RGS14: variants seen among roughly 807,000 people sequenced by gnomAD.
RGS14 encodes regulator of G-protein signaling 14.
RGS14 carries 33 observed loss-of-function variants against 63.8 expected under a neutral mutation model. The ratio of observed to expected loss-of-function variants is 0.52; its 90% confidence interval spans 0.39 to 0.69. The LOEUF is 0.69. RGS14 is among the 30% of genes least tolerant of loss of function. RGS14 has a pLI of 0.00. For synonymous variants in RGS14, 296 were observed against 320.9 expected, an observed-to-expected ratio of 0.92 and a Z score of 0.83; for missense variants, 739 against 742.9, an observed-to-expected ratio of 0.99 and a Z score of 0.06.
In RGS14 at chr5:177,372,097, C is replaced by T. The variant is rs998025943; in HGVS notation, c.*22C>T. 1.6e-5 allele frequency: 25 copies of T among 1,604,834 alleles called. No individual in the cohort carries two copies. Among genetic ancestry groups the T allele is most frequent in the Non-Finnish European group, 2.0e-5 (24 of 1,173,080 alleles). ...CTGACAGCTACCCAACAGTCCAGGA[C>T]AGCTGCATGGCACCCGGCGGGCCGA... On this transcript the variant is annotated 3_prime_UTR_variant, in exon 15 of 15. Coordinates refer to ENST00000408923, the MANE Select transcript of RGS14 (RefSeq NM_006480.5).
Position 177,371,666 on chromosome 5 carries a change from C to A in RGS14, c.1498+77C>A. 1 of 1,455,410 alleles carries A rather than the reference C, an allele frequency of 6.9e-7. No individual in the cohort carries two copies. The allele number at this position is 1,455,410 out of a possible 1,614,324, so 90.2% of individuals were successfully genotyped here. ...GACCATTCAGGGTGGCATCAGAGAG[C>A]CTTGAGCTAAGGCAGGGGGCTGGGT... On this transcript the variant is annotated intron_variant, in intron 14 of 14. Transcript: ENST00000408923. This position sits in a 1 kb window ranked among gnomAD's most constrained non-coding sequence, Gnocchi z 6.1.
intron 9 of RGS14, among the ~76,000 whole-genome samples, chr5:177,369,764 C>T (rs59131256): frequency 0.087 from 13,266 of 152,222 alleles, 698 homozygotes; most frequent in South Asian, 0.14. Flanking sequence ...TGCAGGGGTG[C>T]GAGGGCAGTA....
rs375637487 is a variant in RGS14 at position 177,366,219 on chromosome 5, G to C, written c.110G>C (p.Arg37Pro). ...GGGCCCCAGGGCCAGGGCGAGGGCC[G>C]CGGCAGCTCTCTCAGCATCCACAGC... ...TTGPQGQGEG[R>P]GSSLSIHSLP... The change falls in exon 3 of 15, where the codon CGC becomes CCC. Residue 37 changes from arginine (R) to proline (P), a missense_variant. Physicochemically the swap from Arg to Pro is moderately radical, Grantham distance 103. Transcript: ENST00000408923. 68 of 1,603,598 alleles carry C rather than the reference G, an allele frequency of 4.2e-5. No homozygotes were observed. Among genetic ancestry groups the C allele is most frequent in the Middle Eastern group, 2.2e-4 (1 of 4,490 alleles).
intron 1 of RGS14, among the ~76,000 whole-genome samples, chr5:177,360,354 G>A (rs984098524): frequency 1.3e-5 from 2 of 151,852 alleles, no homozygotes; most frequent in African/African-American, 4.8e-5. Flanking sequence ...CAGGAGGATC[G>A]CTTGAGCCCA....
chr5:177,368,635 G>A, intron 8 of RGS14, 82 bp from the exon 9 acceptor site: 1 of 1,433,242 alleles, frequency 7.0e-7, no homozygotes, highest in South Asian at 1.2e-5. Flanking sequence ...TTGAGCCCCA[G>A]CAAGCTTACC....
chr5:177,371,042 G>C lies in RGS14; in HGVS notation c.1254+11G>C, dbSNP rs1762232390. 1.4e-6 allele frequency: 2 copies of C among 1,431,044 alleles called. No individual in the cohort carries two copies. The highest frequency in any genetic ancestry group is 2.3e-5 in the Admixed American group (1 of 42,860). The allele number at this position is 1,431,044 out of a possible 1,614,324, so 88.6% of individuals were successfully genotyped here. On this transcript the variant is annotated intron_variant, in intron 11 of 14. Transcript: ENST00000408923. This position sits in a 1 kb window ranked among gnomAD's most constrained non-coding sequence, Gnocchi z 6.1. ...GTGGTGCTGCACCGGGTGAGCTTCC[G>C]GGCCGCGGGGCGGGGCGGGGCGGGG...
At position 177,371,057 on chromosome 5, in the gene RGS14, GCGGGGCGGGGCCGGGCCGGGGC is replaced by G. The variant is rs1189290123; in HGVS notation, c.1254+33_1254+54del. 8 of 1,142,568 alleles carry G rather than the reference GCGGGGCGGGGCCGGGCCGGGGC, an allele frequency of 7.0e-6. No individual in the cohort carries two copies. In the African/African-American group the frequency reaches 1.9e-4, roughly 27 times the overall value. 70.8% of individuals were successfully genotyped at this position (1,142,568 alleles called of 1,614,324 possible). On this transcript the variant is annotated intron_variant, in intron 11 of 14. Transcript: ENST00000408923. This position sits in a 1 kb window ranked among gnomAD's most constrained non-coding sequence, Gnocchi z 6.1. ...GTGAGCTTCCGGGCCGCGGGGCGGG[GCGGGGCGGGGCCGGGCCGGGGC>G]CGGGGCCGGGGCCGGGGCCGGGGCC...
Position 177,358,194 on chromosome 5 carries a change from G to A in RGS14, c.45+125G>A, listed in dbSNP as rs1409998332. On this transcript the variant is annotated intron_variant, in intron 1 of 14. Coordinates refer to ENST00000408923, the MANE Select transcript of RGS14 (RefSeq NM_006480.5). The surrounding 1 kb of genome is among the most constrained non-coding windows in gnomAD (Gnocchi z 4.8). ...GCTGCCAGCAGGCGAGAGAAGTTGG[G>A]TACAGACAGCAGCAGGTGGTAGGAC... The A allele has an allele frequency of 2.6e-6, 2 of 769,554 alleles. No homozygotes were observed. Among genetic ancestry groups the A allele is most frequent in the Non-Finnish European group, 1.8e-6 (1 of 554,562 alleles). The allele number at this position is 769,554 out of a possible 1,614,324, so 47.7% of individuals were successfully genotyped here. A position where few individuals can be genotyped will look rare whatever the true frequency, so the allele number is the denominator to read the frequency against.
chr5:177,367,646 G>A (rs1053019394), intron 6 of RGS14, 68 bp from the exon 7 acceptor site: 1 of 1,587,666 alleles, frequency 6.3e-7, no homozygotes, highest in Admixed American at 1.8e-5. Context: ...AGATCTGCGA[G>A]TCTGTGCCCA....
rs1183095837 is a variant in RGS14 at position 177,372,014 on chromosome 5, C to T, written c.1640C>T (p.Thr547Ile). 1 of 1,614,044 alleles carries T rather than the reference C, an allele frequency of 6.2e-7. No individual in the cohort carries two copies. Among genetic ancestry groups the T allele is most frequent in the Non-Finnish European group, 8.5e-7 (1 of 1,180,022 alleles). The change falls in exon 15 of 15, where the codon ACC (threonine) becomes ATC (isoleucine). Residue 547 changes from threonine to isoleucine, a missense_variant. By Grantham distance (89) the Thr-to-Ile change is moderately conservative. Coordinates refer to ENST00000408923, the MANE Select transcript of RGS14 (RefSeq NM_006480.5). Reference sequence around the variant, plus strand: ...AGCTCCGAGGAGACCCCACCACAGACCAAATCAGCAGCCCAGCCCATCGGG... The same window carrying T: ...AGCTCCGAGGAGACCCCACCACAGATCAAATCAGCAGCCCAGCCCATCGGG... ...GPSSEETPPQ[T>I]KSAAQPIGGS...
rs750592305 is a variant in RGS14 at position 177,366,190 on chromosome 5, G to C, written c.81G>C (p.Thr27=). The C allele has an allele frequency of 6.2e-7, 1 of 1,608,280 alleles. No homozygotes were observed. Among genetic ancestry groups the C allele is most frequent in the Non-Finnish European group, 8.5e-7 (1 of 1,178,020 alleles). Reference sequence around the variant, plus strand: ...ATCCCCCTGCAGAGCTGAGCAGCACGACGGGGCCCCAGGGCCAGGGCGAGG... The same window carrying C: ...ATCCCCCTGCAGAGCTGAGCAGCACCACGGGGCCCCAGGGCCAGGGCGAGG... The part of the protein sequence containing the change: ...LAVSDGELSS[T]TGPQGQGEGR... The change falls in exon 3 of 15, where the codon ACG becomes ACC. Residue 27 remains threonine, a synonymous_variant. Transcript: ENST00000408923.
At chr5:177,361,039 C>T (rs1468647895) in intron 1 of RGS14, among the ~76,000 whole-genome samples, 2 of 152,174 alleles carry the variant, frequency 1.3e-5, no homozygotes, top group African/African-American at 2.4e-5. Context: ...GAGAGTTAAG[C>T]CTGGAGGGGC....
chr5:177,367,891 C>G, intron 7 of RGS14, 66 bp downstream of exon 7: 2 of 1,474,684 alleles, frequency 1.4e-6, no homozygotes, highest in East Asian at 4.7e-5. Context: ...TGGGGAGTGC[C>G]CCCTTCCTCC....
rs1275966033 is a variant in RGS14, at chr5:177,359,205, T to C, written c.45+1136T>C. On this transcript the variant is annotated intron_variant, in intron 1 of 14. Coordinates refer to ENST00000408923, the MANE Select transcript of RGS14 (RefSeq NM_006480.5). The surrounding 1 kb of genome is among the most constrained non-coding windows in gnomAD (Gnocchi z 4.4). ...AGTTCCCAAAACCTGCCTCTACCTC[T>C]TCTTCTTCCAGCATCTCTTTCCTGC... 6.6e-6 allele frequency among the ~76,000 whole-genome samples: 1 copy of C among 152,086 alleles called. No individual in the cohort carries two copies. The highest frequency in any genetic ancestry group is 1.5e-5 in the Non-Finnish European group (1 of 68,004).
intron 1 of RGS14, 69 bp from the exon 2 acceptor site, chr5:177,365,894 C>G (rs1034832940): frequency 1.3e-5 from 20 of 1,511,624 alleles, no homozygotes; most frequent in East Asian, 6.8e-5. Flanking sequence ...TCCTGGGAGT[C>G]GGGCCCAGAA....
Position 177,371,759 on chromosome 5 carries a change from G to A in RGS14, c.1499-114G>A, listed in dbSNP as rs527547528. 111 of 1,286,300 alleles carry A rather than the reference G, an allele frequency of 8.6e-5. No individual in the cohort carries two copies. In the East Asian group the frequency reaches 2.7e-3, roughly 31 times the overall value. The allele number at this position is 1,286,300 out of a possible 1,614,324, so 79.7% of individuals were successfully genotyped here. On this transcript the variant is annotated intron_variant, in intron 14 of 14. Coordinates refer to ENST00000408923, the MANE Select transcript of RGS14 (RefSeq NM_006480.5). The surrounding 1 kb of genome is among the most constrained non-coding windows in gnomAD (Gnocchi z 6.1). ...AAGGGGCTGGAACAGGGGGCCGCAG[G>A]CCATTGGTGCTGGGGCCAGGGAGGC...
rs1217918120 is a variant in RGS14, at chr5:177,359,645, TCA to T, written c.45+1583_45+1584del. Among the ~76,000 whole-genome samples, 3 of 152,226 alleles carry T rather than the reference TCA, an allele frequency of 2.0e-5. No homozygotes were observed. Among genetic ancestry groups the T allele is most frequent in the Non-Finnish European group, 4.4e-5 (3 of 68,038 alleles). On this transcript the variant is annotated intron_variant, in intron 1 of 14. Coordinates refer to ENST00000408923, the MANE Select transcript of RGS14 (RefSeq NM_006480.5). The surrounding 1 kb of genome is among the most constrained non-coding windows in gnomAD (Gnocchi z 4.4). The stretch of plus-strand genomic sequence containing the variant: ...GACGCCCCGGCTCCTCTCAGAACTG[TCA>T]CACACAGGTTTATCTTTGCCCTTCC...
Position 177,366,551 on chromosome 5 carries a change from T to C in RGS14, c.247-157T>C, listed in dbSNP as rs1762096737. ...GTCTCTGCCTCTCATTTTCTCTCCC[T>C]GTCTTCAGATCGGTCTGGCTCCGTC... On this transcript the variant is annotated intron_variant, in intron 3 of 14. Transcript: ENST00000408923. The C allele has an allele frequency of 6.2e-6, 5 of 809,896 alleles. 1 individual carries two copies. The highest frequency in any genetic ancestry group is 1.0e-5 in the Non-Finnish European group (5 of 502,480). 50.2% of individuals were successfully genotyped at this position (809,896 alleles called of 1,614,324 possible). A position where few individuals can be genotyped will look rare whatever the true frequency, so the allele number is the denominator to read the frequency against.
chr5:177,362,169 T>G (rs180946717), intron 1 of RGS14, among the ~76,000 whole-genome samples: 143 of 152,350 alleles, frequency 9.4e-4, no homozygotes, highest in Non-Finnish European at 1.5e-3. Context: ...TGTTCCCGAA[T>G]AGCAGAGCTG....
Sources: gnomAD v4.1 joint callset for allele counts (sites outside exome capture counted in the v4.1 genomes callset) on GRCh38, gnomAD v4.1.1 for gene constraint, Gnocchi (gnomAD v3.1) non-coding constraint, MANE v1.5 for transcripts, NCBI Gene and HGNC (gene_info 2026-07-23, HGNC 2026-07-21) for gene names.